RAP2A: variants seen among roughly 807,000 people sequenced by gnomAD.
RAP2A encodes RAP2A, member of RAS oncogene family.
RAP2A carries 5 observed loss-of-function variants against 15.1 expected under a neutral mutation model. The observed-to-expected ratio is 0.33, with a 90% confidence interval of 0.17 to 0.70. The LOEUF (loss-of-function observed/expected upper bound fraction) is 0.70, where lower values mean the gene tolerates loss of function less well. Among genes scored for constraint, RAP2A ranks in the 30% least tolerant of loss-of-function variants. The pLI is 0.68. For synonymous variants in RAP2A, 110 were observed against 99.7 expected (o/e 1.10, Z -0.62); for missense variants, 111 against 240.3 (o/e 0.46, Z 3.56).
rs148607156 is a variant in RAP2A, at chr13:97,455,639, C to T, written c.315-8566C>T. On this transcript the variant is annotated intron_variant, in intron 1 of 1. Coordinates refer to ENST00000245304, the MANE Select transcript of RAP2A (RefSeq NM_021033.7). ...CCTTTACTATGCTGTCTTGTGTATA[C>T]ACCACTCAGTGGCTAGTCTGAGACA... is the stretch of plus-strand genomic sequence containing the variant. Among the ~76,000 whole-genome samples, 580 of 151,602 alleles carry T rather than the reference C, an allele frequency of 3.8e-3. 22 individuals are homozygous for T. Among genetic ancestry groups the T allele is most frequent in the African/African-American group, 0.013 (549 of 41,198 alleles).
intron 1 of RAP2A, among the ~76,000 whole-genome samples, chr13:97,451,375 C>T (rs2066701788): frequency 1.3e-5 from 2 of 152,270 alleles, no homozygotes; most frequent in South Asian, 4.1e-4. Flanking sequence ...CAGGCTGCCT[C>T]ATGTTCCATT....
intron 1 of RAP2A, among the ~76,000 whole-genome samples, chr13:97,452,079 T>A (rs957982099): frequency 2.0e-5 from 3 of 151,494 alleles, no homozygotes; most frequent in East Asian, 3.9e-4. Flanking sequence ...AATCTTTGGC[T>A]TACCTTTTCA....
In RAP2A at chr13:97,468,125, TA is replaced by T. The variant is rs2066780592; in HGVS notation, c.*3688del. 6.6e-6 allele frequency: 1 copy of T among 152,178 alleles called. No homozygotes were observed. Among genetic ancestry groups the T allele is most frequent in the South Asian group, 2.1e-4 (1 of 4,832 alleles). 9.4% of individuals were successfully genotyped at this position (152,178 alleles called of 1,614,324 possible). Reference sequence around the variant, plus strand: ...TTAGCTGATTTGAGAGTTCATCATATAAAAAGGCAGGTAGGTAGATAATTTT... The same window carrying T: ...TTAGCTGATTTGAGAGTTCATCATATAAAAGGCAGGTAGGTAGATAATTTT... On this transcript the variant is annotated 3_prime_UTR_variant, in exon 2 of 2. Transcript: ENST00000245304.
intron 1 of RAP2A, among the ~76,000 whole-genome samples, chr13:97,438,657 G>C (rs543444611): frequency 7.9e-5 from 12 of 151,946 alleles, no homozygotes; most frequent in Middle Eastern, 3.2e-3. Flanking sequence ...CCCCTTTCCT[G>C]TCTTCCCTTA....
intron 1 of RAP2A, among the ~76,000 whole-genome samples, chr13:97,452,927 T>C (rs966218700): frequency 6.6e-6 from 1 of 151,378 alleles, no homozygotes; most frequent in Non-Finnish European, 1.5e-5. Context: ...TTTAAATGGA[T>C]TTTCTAATTG....
At chr13:97,454,463 G>T (rs1298595416) in intron 1 of RAP2A, among the ~76,000 whole-genome samples, 1 of 150,536 alleles carries the variant, frequency 6.6e-6, no homozygotes, top group Non-Finnish European at 1.5e-5. Flanking sequence ...TTTTTTAAAT[G>T]GTTGTTGTAG....
At chr13:97,456,348 C>A (rs2066722990) in intron 1 of RAP2A, among the ~76,000 whole-genome samples, 1 of 147,792 alleles carries the variant, frequency 6.8e-6, no homozygotes, top group African/African-American at 2.5e-5. Flanking sequence ...TTCTCTTCCA[C>A]AAACTGCTTT....
chr13:97,463,718 T>C (rs2066758169), intron 1 of RAP2A, among the ~76,000 whole-genome samples: 1 of 152,214 alleles, frequency 6.6e-6, no homozygotes, highest in African/African-American at 2.4e-5. Context: ...GCCTCCCGAG[T>C]AGCTGGAACT....
Position 97,464,234 on chromosome 13 carries a change from G to C in RAP2A, c.344G>C (p.Gly115Ala). ...RYEKVPVILV[G>A]NKVDLESERE... ...GAGAAAGTGCCAGTCATCTTGGTTG[G>C]GAACAAAGTGGACCTGGAAAGTGAG... The change falls in exon 2 of 2, where the codon GGG becomes GCG. Residue 115 changes from glycine (G) to alanine (A), a missense_variant. Gly to Ala is a moderately conservative substitution (Grantham distance 60, BLOSUM62 0). Transcript: ENST00000245304. 6.2e-7 allele frequency: 1 copy of C among 1,614,190 alleles called. No individual in the cohort carries two copies. The highest frequency in any genetic ancestry group is 2.2e-5 in the East Asian group (1 of 44,880).
chr13:97,446,280 A>G (rs1483569959), intron 1 of RAP2A, among the ~76,000 whole-genome samples: 1 of 152,058 alleles, frequency 6.6e-6, no homozygotes, highest in East Asian at 1.9e-4. Flanking sequence ...TTTTTTTTAA[A>G]TCATGACAAT....
chr13:97,442,517 A>C (rs2066662395), intron 1 of RAP2A, among the ~76,000 whole-genome samples: 1 of 152,168 alleles, frequency 6.6e-6, no homozygotes, highest in East Asian at 1.9e-4. Flanking sequence ...TAAGAAGTAC[A>C]TTTTATATTG....
chr13:97,461,998 TTATATTTA>T (rs1264584490), intron 1 of RAP2A, among the ~76,000 whole-genome samples: 87 of 144,542 alleles, frequency 6.0e-4, no homozygotes, highest in Non-Finnish European at 1.2e-3. Context: ...ATTTATATAT[TTATATTTA>T]TATATTTATA....
intron 1 of RAP2A, chr13:97,435,869 A>G (rs1218304334): frequency 1.3e-5 from 2 of 152,200 alleles, no homozygotes; most frequent in Non-Finnish European, 2.9e-5. Context: ...CCTAAATCTG[A>G]AGACCTTTAC....
intron 1 of RAP2A, among the ~76,000 whole-genome samples, chr13:97,456,313 G>A (rs2066722880): frequency 6.9e-6 from 1 of 144,914 alleles, no homozygotes; most frequent in Non-Finnish European, 1.5e-5. Context: ...CTTGCATGTA[G>A]GTCTCTTTCT....
In RAP2A at chr13:97,451,241, GT is replaced by G. The variant is rs200549870; in HGVS notation, c.315-12955del. Among the ~76,000 whole-genome samples, 17 of 150,254 alleles carry G rather than the reference GT, an allele frequency of 1.1e-4. No homozygotes were observed. The East Asian group carries it at 3.1e-3, about 27-fold the overall frequency. ...GTTTATAATCTTACTGATTTTTTTT[GT>G]TTTTTTTTATTGAGGTAGAAATTTT... is the stretch of plus-strand genomic sequence containing the variant. On this transcript the variant is annotated intron_variant, in intron 1 of 1. Coordinates refer to ENST00000245304, the MANE Select transcript of RAP2A (RefSeq NM_021033.7).
intron 1 of RAP2A, among the ~76,000 whole-genome samples, chr13:97,435,094 T>G (rs1049349444): frequency 3.3e-5 from 5 of 152,202 alleles, no homozygotes; most frequent in Non-Finnish European, 7.3e-5. Context: ...TGGATAGATT[T>G]GTCTTGGGAA....
In RAP2A at chr13:97,465,405, T is replaced by C. The variant is rs2066766333; in HGVS notation, c.*963T>C. On this transcript the variant is annotated 3_prime_UTR_variant, in exon 2 of 2. Transcript: ENST00000245304. ...GAATATCTGGCATTTTTAAGTTCAT[T>C]AAAGCAGCAAATTCCTTCTCGCCTT... 6.5e-6 allele frequency: 1 copy of C among 152,684 alleles called. No individual in the cohort carries two copies. Among genetic ancestry groups the C allele is most frequent in the Non-Finnish European group, 1.5e-5 (1 of 68,046 alleles). 9.5% of individuals were successfully genotyped at this position (152,684 alleles called of 1,614,324 possible).
rs981868726 is a variant in RAP2A, at chr13:97,466,947, C to T, written c.*2505C>T. ...GTTGAGATATTACAGTAATAAAACACTTAAGAACAGGAAGATTACATTTGT... is the reference window on the plus strand; with the variant it reads ...GTTGAGATATTACAGTAATAAAACATTTAAGAACAGGAAGATTACATTTGT... On this transcript the variant is annotated 3_prime_UTR_variant, in exon 2 of 2. Transcript: ENST00000245304. 1.3e-5 allele frequency: 2 copies of T among 152,238 alleles called. No homozygotes were observed. The highest frequency in any genetic ancestry group is 1.3e-4 in the Admixed American group (2 of 15,272). The allele number at this position is 152,238 out of a possible 1,614,324, so 9.4% of individuals were successfully genotyped here. A position where few individuals can be genotyped will look rare whatever the true frequency, so the allele number is the denominator to read the frequency against.
chr13:97,446,701 C>T (rs1477461621), intron 1 of RAP2A, among the ~76,000 whole-genome samples: 1 of 152,172 alleles, frequency 6.6e-6, no homozygotes, highest in African/African-American at 2.4e-5. Context: ...GGAAAATTCA[C>T]GGAGAGGCCC....
Sources: gnomAD v4.1 joint callset for allele counts (sites outside exome capture counted in the v4.1 genomes callset) on GRCh38, gnomAD v4.1.1 for gene constraint, MANE v1.5 for transcripts, NCBI Gene and HGNC (gene_info 2026-07-23, HGNC 2026-07-21) for gene names.